The following FBH1 variants were observed in gnomAD, a reference collection of about 807,000 sequenced individuals.
FBH1 encodes the protein DNA 3'-5' helicase 1.
A neutral mutation model predicts 115.5 loss-of-function variants in FBH1; 43 were observed. The observed-to-expected ratio is 0.37, with a 90% CI of 0.29 to 0.48. The LOEUF (loss-of-function observed/expected upper bound fraction) is 0.48, where lower values mean the gene tolerates loss of function less well. Among genes scored for constraint, FBH1 ranks in the 20% least tolerant of loss-of-function variants. FBH1 has a pLI of 0.99. For missense variants in FBH1, 1,001 were observed against 1,337.3 expected, an observed-to-expected ratio of 0.75 and a Z score of 3.92; for synonymous variants, 524 against 507.8, an observed-to-expected ratio of 1.03 and a Z score of -0.43.
intron 19 of FBH1, chr10:5,929,938 GT>G (rs1303319756): frequency 6.6e-6 from 1 of 152,184 alleles, no homozygotes; most frequent in Non-Finnish European, 1.5e-5. Flanking sequence ...TGGAAGTCGT[GT>G]TACAGAAGTG....
intron 2 of FBH1, among the ~76,000 whole-genome samples, chr10:5,904,536 G>C (rs75002083): frequency 0.017 from 2,576 of 152,210 alleles, 85 homozygotes; most frequent in African/African-American, 0.06. Context: ...GTGACTGTGG[G>C]TGTGACTGGA....
intron 15 of FBH1, among the ~76,000 whole-genome samples, chr10:5,922,521 C>T (rs2132052447): frequency 6.6e-6 from 1 of 152,316 alleles, no homozygotes; most frequent in Non-Finnish European, 1.5e-5. Flanking sequence ...ATATCATACA[C>T]ACTGGCATGA....
In FBH1 at chr10:5,913,077, G is replaced by A. The variant is rs926043457; in HGVS notation, c.1212-670G>A. Among the ~76,000 whole-genome samples the A allele has an allele frequency of 2.6e-5, 4 of 152,138 alleles. No homozygotes were observed. The highest frequency in any genetic ancestry group is 9.7e-5 in the African/African-American group (4 of 41,418). On this transcript the variant is annotated intron_variant, in intron 6 of 20. Coordinates refer to ENST00000362091, the MANE Select transcript of FBH1 (RefSeq NM_178150.3). This position sits in a 1 kb window ranked among gnomAD's most constrained non-coding sequence, Gnocchi z 4.4. ...CACCCCCGGTCTCCCCCACAGTCCA[G>A]GGGAGACTTGGAGAGGCTTTGGAAC...
intron 3 of FBH1, 70 bp from the exon 4 acceptor site, chr10:5,908,854 GC>G (rs1831379429): frequency 6.4e-7 from 1 of 1,551,276 alleles, no homozygotes; most frequent in East Asian, 2.3e-5. Flanking sequence ...CAGGCGATCT[GC>G]CCGCCTCATT....
rs549712000 is a variant in FBH1 at position 5,936,412 on chromosome 10, C to T, written c.2830-44C>T. 20 of 1,603,882 alleles carry T rather than the reference C, an allele frequency of 1.2e-5. No individual in the cohort carries two copies. Among genetic ancestry groups the T allele is most frequent in the Admixed American group, 5.0e-5 (3 of 59,764 alleles). On this transcript the variant is annotated intron_variant, in intron 19 of 20. Coordinates refer to ENST00000362091, the MANE Select transcript of FBH1 (RefSeq NM_178150.3). This position sits in a 1 kb window ranked among gnomAD's most constrained non-coding sequence, Gnocchi z 5.6. ...TATCAGTGTTTCCAGTAGACCCTAA[C>T]GGAGGTGTCGCCATGACTCTCTTTC...
chr10:5,928,957 C>A (rs1564462806), intron 19 of FBH1, among the ~76,000 whole-genome samples: 1 of 152,174 alleles, frequency 6.6e-6, no homozygotes, highest in Non-Finnish European at 1.5e-5. Flanking sequence ...GTGGGGTGAG[C>A]CGCGCCGTAC....
rs150704827 is a variant in FBH1 at position 5,936,919 on chromosome 10, T to C, written c.2962-191T>C. On this transcript the variant is annotated intron_variant, in intron 20 of 20. Transcript: ENST00000362091. The surrounding 1 kb of genome is among the most constrained non-coding windows in gnomAD (Gnocchi z 5.6). ...TGACTGTTTCTGAGCTCAGGGAATT[T>C]GGGGGTGTTGAGGCCACCTAGTTGG... The C allele has an allele frequency of 0.015, 9,700 of 639,284 alleles. 209 individuals are homozygous for C. The highest frequency in any genetic ancestry group is 0.055 in the South Asian group (2,296 of 41,390). The allele number at this position is 639,284 out of a possible 1,614,324, so 39.6% of individuals were successfully genotyped here. A position where few individuals can be genotyped will look rare whatever the true frequency, so the allele number is the denominator to read the frequency against.
Position 5,925,916 on chromosome 10 carries a change from G to A in FBH1, c.2722+424G>A, listed in dbSNP as rs565798733. Among the ~76,000 whole-genome samples the A allele has an allele frequency of 2.6e-5, 4 of 152,214 alleles. No homozygotes were observed. In the East Asian group the frequency reaches 5.8e-4, roughly 22 times the overall value. On this transcript the variant is annotated intron_variant, in intron 18 of 20. Coordinates refer to ENST00000362091, the MANE Select transcript of FBH1 (RefSeq NM_178150.3). This position sits in a 1 kb window ranked among gnomAD's most constrained non-coding sequence, Gnocchi z 4.6. ...GAAGAAAACCACAAAAGGAGAAATA[G>A]TAAGCATTCTTTATCATTTGTCTGG...
At chr10:5,912,066 A>C (rs1226370204) in intron 6 of FBH1, among the ~76,000 whole-genome samples, 1 of 152,160 alleles carries the variant, frequency 6.6e-6, no homozygotes, top group African/African-American at 2.4e-5. Context: ...GGCCCCGATT[A>C]GAAGGTAGAA....
Position 5,936,979 on chromosome 10 carries a change from A to C in FBH1, c.2962-131A>C, listed in dbSNP as rs1386614625. 1.9e-6 allele frequency: 2 copies of C among 1,027,372 alleles called. No homozygotes were observed. The highest frequency in any genetic ancestry group is 3.3e-5 in the African/African-American group (2 of 61,510). The allele number at this position is 1,027,372 out of a possible 1,614,324, so 63.6% of individuals were successfully genotyped here. On this transcript the variant is annotated intron_variant, in intron 20 of 20. Transcript: ENST00000362091. This position sits in a 1 kb window ranked among gnomAD's most constrained non-coding sequence, Gnocchi z 5.6. Reference sequence around the variant, plus strand: ...GGGAGGTGTTACTCTGAGGATGTGCACCCCTCTGAAAACATCAGAATCCAA... The same window carrying C: ...GGGAGGTGTTACTCTGAGGATGTGCCCCCCTCTGAAAACATCAGAATCCAA...
chr10:5,909,258 G>T lies in FBH1; in HGVS notation c.984G>T (p.Val328=). Residue 328 remains valine, a synonymous_variant, in exon 5 of 21, where the codon GTG becomes GTT. Transcript: ENST00000362091. The surrounding 1 kb of genome is among the most constrained non-coding windows in gnomAD (Gnocchi z 4.4). ...HPLLPEAEAC[V]RQHLPDLYAA... is the part of the protein sequence containing the mutation. ...TCCTCCCCGAGGCTGAGGCGTGTGT[G>T]CGGCAACACCTCCCCGACCTCTACG... is the stretch of plus-strand genomic sequence containing the variant. The T allele has an allele frequency of 6.2e-7, 1 of 1,612,412 alleles. No homozygotes were observed.
In FBH1 at chr10:5,895,295, T is replaced by A; in HGVS notation, c.1+4949T>A. On this transcript the variant is annotated intron_variant, in intron 1 of 20. Coordinates refer to ENST00000362091, the MANE Select transcript of FBH1 (RefSeq NM_178150.3). The surrounding 1 kb of genome is among the most constrained non-coding windows in gnomAD (Gnocchi z 5.0). Reference sequence around the variant, plus strand: ...TTTGTTAAAGTTGGGTATGGTATTGTAGCAGTTTCTCCAGTCAGGTACCTT... The same window carrying A: ...TTTGTTAAAGTTGGGTATGGTATTGAAGCAGTTTCTCCAGTCAGGTACCTT... 1 of 1,247,800 alleles carries A rather than the reference T, an allele frequency of 8.0e-7. No individual in the cohort carries two copies. Among genetic ancestry groups the A allele is most frequent in the Non-Finnish European group, 1.1e-6 (1 of 927,906 alleles). The allele number at this position is 1,247,800 out of a possible 1,614,324, so 77.3% of individuals were successfully genotyped here.
chr10:5,917,173 C>A lies in FBH1; in HGVS notation c.1789-247C>A. ...GAACAATTTGGCCTTTTCTGGTTCA[C>A]CTAACTGTTATGATCTCTGTCCTGT... is the stretch of plus-strand genomic sequence containing the variant. On this transcript the variant is annotated intron_variant, in intron 10 of 20. Transcript: ENST00000362091. This position sits in a 1 kb window ranked among gnomAD's most constrained non-coding sequence, Gnocchi z 5.6. The A allele has an allele frequency of 2.0e-6, 1 of 504,138 alleles. No individual in the cohort carries two copies. The allele number at this position is 504,138 out of a possible 1,614,324, so 31.2% of individuals were successfully genotyped here.
chr10:5,928,148 C>CTTTTTTTTTTTT (rs753773157), intron 19 of FBH1, among the ~76,000 whole-genome samples: 1 of 114,898 alleles, frequency 8.7e-6, no homozygotes. Flanking sequence ...TCAATTAGTT[C>CTTTTTTTTTTTT]TTTTTTTTTT....
intron 15 of FBH1, among the ~76,000 whole-genome samples, chr10:5,922,548 C>T (rs1262253630): frequency 6.6e-6 from 1 of 152,180 alleles, no homozygotes; most frequent in Admixed American, 6.5e-5. Flanking sequence ...GTAAGTGGTT[C>T]TCTACACCTC....
chr10:5,894,637 G>C (rs1842908309), intron 1 of FBH1: 2 of 717,110 alleles, frequency 2.8e-6, no homozygotes, highest in Non-Finnish European at 5.2e-6. Flanking sequence ...AGAGTTGAGA[G>C]CTTCAAAGCC....
chr10:5,916,025 T>TTCC (rs1338866063), intron 9 of FBH1: 3 of 574,388 alleles, frequency 5.2e-6, no homozygotes, highest in Non-Finnish European at 3.1e-6. Flanking sequence ...CGAAAGCTGG[T>TTCC]TCCTATTCTG....
intron 1 of FBH1, chr10:5,894,027 G>T: frequency 1.1e-5 from 11 of 985,302 alleles, no homozygotes; most frequent in Non-Finnish European, 1.3e-5. Flanking sequence ...TGTCATACAC[G>T]AGTGCTGTCT....
At chr10:5,899,622 A>G in intron 1 of FBH1, among the ~76,000 whole-genome samples, 1 of 152,096 alleles carries the variant, frequency 6.6e-6, no homozygotes, top group East Asian at 1.9e-4. Context: ...GGGCCTGTGG[A>G]TTTGCTGCCC....
Sources: gnomAD v4.1 joint callset for allele counts (sites outside exome capture counted in the v4.1 genomes callset) on GRCh38, gnomAD v4.1.1 for gene constraint, Gnocchi (gnomAD v3.1) non-coding constraint, MANE v1.5 for transcripts, NCBI Gene and HGNC (gene_info 2026-07-23, HGNC 2026-07-21) for gene names.